GPC5: variants seen among roughly 807,000 people sequenced by gnomAD.
GPC5 encodes the protein glypican-5.
In GPC5, 47 loss-of-function variants were observed where a neutral mutation model predicts 53.9. The ratio of observed to expected loss-of-function variants is 0.87; its 90% confidence interval spans 0.69 to 1.11. The LOEUF (loss-of-function observed/expected upper bound fraction) is 1.11, where lower values mean the gene tolerates loss of function less well. GPC5 is among the 50% of genes most tolerant of loss of function. The probability of loss-of-function intolerance (pLI) is 0.00; values close to 1 mark genes in which losing one functional copy is unlikely to be tolerated. For synonymous variants in GPC5, 286 were observed against 263.3 expected, an observed-to-expected ratio of 1.09 and a Z score of -0.84; for missense variants, 748 against 713.1, an observed-to-expected ratio of 1.05 and a Z score of -0.56.
chr13:92,037,784 T>C (rs771827646), intron 6 of GPC5, among the ~76,000 whole-genome samples: 6 of 152,194 alleles, frequency 3.9e-5, no homozygotes, highest in Non-Finnish European at 7.3e-5. Flanking sequence ...TATCCTGCCA[T>C]AGTGGATTTA....
chr13:92,637,239 C>T (rs1297898055), intron 7 of GPC5, among the ~76,000 whole-genome samples: 2 of 152,038 alleles, frequency 1.3e-5, no homozygotes, highest in Non-Finnish European at 2.9e-5. Flanking sequence ...TTTAGTTCTC[C>T]ATGTCAGAGA....
At chr13:92,567,118 G>A (rs556058178) in intron 7 of GPC5, among the ~76,000 whole-genome samples, 1 of 152,186 alleles carries the variant, frequency 6.6e-6, no homozygotes, top group South Asian at 2.1e-4. Context: ...ACCCACATCA[G>A]GTATTCACAC....
At chr13:92,760,153 G>A (rs1566406322) in intron 7 of GPC5, among the ~76,000 whole-genome samples, 1 of 151,962 alleles carries the variant, frequency 6.6e-6, no homozygotes, top group Admixed American at 6.6e-5. Flanking sequence ...TTTTCTTATG[G>A]TGTCTTTGTC....
At chr13:91,995,158 G>A (rs1171219002) in intron 6 of GPC5, 2 of 151,868 alleles carry the variant, frequency 1.3e-5, no homozygotes, top group East Asian at 1.9e-4. Flanking sequence ...ATTTTTAGTA[G>A]AGACGGGGTT....
chr13:91,980,465 C>A (rs2040346809), intron 6 of GPC5, among the ~76,000 whole-genome samples: 1 of 152,116 alleles, frequency 6.6e-6, no homozygotes, highest in South Asian at 2.1e-4. Context: ...AAATTACTTC[C>A]ACCACCCAGA....
chr13:91,810,032 C>G (rs1034614995), intron 5 of GPC5, among the ~76,000 whole-genome samples: 3 of 151,838 alleles, frequency 2.0e-5, no homozygotes, highest in Non-Finnish European at 4.4e-5. Context: ...ATAAAATTGT[C>G]TTAAGTGGTT....
At chr13:92,252,759 G>A (rs549216979) in intron 7 of GPC5, among the ~76,000 whole-genome samples, 83 of 152,148 alleles carry the variant, frequency 5.5e-4, no homozygotes, top group African/African-American at 1.9e-3. Context: ...AACAGCAATC[G>A]AAAAGTTGTA....
At chr13:91,487,267 G>A (rs2139238759) in intron 2 of GPC5, among the ~76,000 whole-genome samples, 1 of 152,314 alleles carries the variant, frequency 6.6e-6, no homozygotes, top group South Asian at 2.1e-4. Flanking sequence ...GGGATATGGG[G>A]AATGAAGGCA....
chr13:92,048,879 T>C (rs2041004659), intron 6 of GPC5, among the ~76,000 whole-genome samples: 1 of 152,238 alleles, frequency 6.6e-6, no homozygotes, highest in South Asian at 2.1e-4. Context: ...TTGCTGGTCC[T>C]TAACAGTTTT....
intron 2 of GPC5, among the ~76,000 whole-genome samples, chr13:91,691,774 A>G (rs1197949765): frequency 6.6e-6 from 1 of 152,046 alleles, no homozygotes; most frequent in Non-Finnish European, 1.5e-5. Context: ...GCACCTCTGC[A>G]TTTTGTTATT....
chr13:92,576,521 G>A lies in GPC5; in HGVS notation c.1562-289761G>A, dbSNP rs575762253. ...CTAGAGCAAGGTGTTCATCACTAAA[G>A]CAACAGAATATTGCTTAAATATCCT... On this transcript the variant is annotated intron_variant, in intron 7 of 7. Coordinates refer to ENST00000377067, the MANE Select transcript of GPC5 (RefSeq NM_004466.6). 2.0e-5 allele frequency among the ~76,000 whole-genome samples: 3 copies of A among 152,242 alleles called. No homozygotes were observed. In the East Asian group the frequency reaches 5.8e-4, roughly 29 times the overall value.
chr13:91,718,033 T>C (rs568397905), intron 3 of GPC5, among the ~76,000 whole-genome samples: 2 of 152,344 alleles, frequency 1.3e-5, no homozygotes, highest in East Asian at 3.9e-4. Context: ...CACTGATAAA[T>C]GAAATGGTCA....
intron 7 of GPC5, among the ~76,000 whole-genome samples, chr13:92,793,322 G>T (rs1490612513): frequency 6.6e-6 from 1 of 152,140 alleles, no homozygotes; most frequent in Non-Finnish European, 1.5e-5. Context: ...AAAAAAAGAT[G>T]TTCTTCGAAA....
At chr13:91,944,635 T>G (rs2139050205) in intron 6 of GPC5, among the ~76,000 whole-genome samples, 1 of 152,302 alleles carries the variant, frequency 6.6e-6, no homozygotes, top group East Asian at 1.9e-4. Context: ...ATACCATATA[T>G]TCCTTAAATC....
Position 92,013,221 on chromosome 13 carries a change from A to G in GPC5, c.1401+105164A>G, listed in dbSNP as rs75534277. 3.8e-3 allele frequency among the ~76,000 whole-genome samples: 577 copies of G among 152,344 alleles called. 6 individuals carry two copies. Among genetic ancestry groups the G allele is most frequent in the African/African-American group, 0.013 (525 of 41,586 alleles). On this transcript the variant is annotated intron_variant, in intron 6 of 7. Coordinates refer to ENST00000377067, the MANE Select transcript of GPC5 (RefSeq NM_004466.6). ...CATCCAAAAAGAATGAGGTTGATCA[A>G]TTGGACACTTGAAGGATGGTAAAGG...
chr13:92,236,258 A>G (rs1251137615), intron 7 of GPC5, among the ~76,000 whole-genome samples: 1 of 152,072 alleles, frequency 6.6e-6, no homozygotes, highest in Non-Finnish European at 1.5e-5. Context: ...TTATTTGAAA[A>G]AATCATAGAC....
rs186532987 is a variant in GPC5 at position 91,423,703 on chromosome 13, T to C, written c.163+24494T>C. On this transcript the variant is annotated intron_variant, in intron 1 of 7. Coordinates refer to ENST00000377067, the MANE Select transcript of GPC5 (RefSeq NM_004466.6). ...CTATAATGTATTGTGTATTTCAAAA[T>C]TGGGAAAAGAGTGGATTTTAAATAT... Among the ~76,000 whole-genome samples, 83 of 152,254 alleles carry C rather than the reference T, an allele frequency of 5.5e-4. 1 individual carries two copies. Among genetic ancestry groups the C allele is most frequent in the African/African-American group, 1.8e-3 (76 of 41,546 alleles).
chr13:91,874,316 G>A (rs995095279), intron 5 of GPC5, among the ~76,000 whole-genome samples: 3 of 151,978 alleles, frequency 2.0e-5, no homozygotes, highest in African/African-American at 4.8e-5. Context: ...ATTTTACACG[G>A]TTGAGGTACT....
chr13:91,941,732 C>T (rs529772813), intron 6 of GPC5, among the ~76,000 whole-genome samples: 1 of 152,260 alleles, frequency 6.6e-6, no homozygotes, highest in South Asian at 2.1e-4. Flanking sequence ...TTTCCTCAAT[C>T]ACTTCTGCAA....
Sources: allele counts gnomAD v4.1 joint callset (sites outside exome capture counted in the v4.1 genomes callset), GRCh38; gene constraint gnomAD v4.1.1; transcripts MANE v1.5; gene names NCBI Gene and HGNC (gene_info 2026-07-23, HGNC 2026-07-21).